NOVA1: variants seen among roughly 807,000 people sequenced by gnomAD.
The protein encoded by NOVA1 is NOVA alternative splicing regulator 1.
In NOVA1, 7 loss-of-function variants were observed where a neutral mutation model predicts 38.0. The observed-to-expected ratio is 0.18, with a 90% CI of 0.10 to 0.35. The LOEUF (loss-of-function observed/expected upper bound fraction) is 0.35. Among genes scored for constraint, NOVA1 ranks in the 10% least tolerant of loss-of-function variants. The probability of loss-of-function intolerance (pLI) is 1.00; values close to 1 mark genes in which losing one functional copy is unlikely to be tolerated. For missense variants in NOVA1, 460 were observed against 616.0 expected, an observed-to-expected ratio of 0.75 and a Z score of 2.68; for synonymous variants, 270 against 232.5, an observed-to-expected ratio of 1.16 and a Z score of -1.47.
intron 2 of NOVA1, among the ~76,000 whole-genome samples, chr14:26,565,642 C>T (rs1439833922): frequency 6.6e-6 from 1 of 152,064 alleles, no homozygotes; most frequent in Non-Finnish European, 1.5e-5. Flanking sequence ...TGTAATCTAG[C>T]CATTAGCACT....
chr14:26,564,129 C>T (rs920196465), intron 2 of NOVA1, among the ~76,000 whole-genome samples: 2 of 152,054 alleles, frequency 1.3e-5, no homozygotes, highest in Non-Finnish European at 2.9e-5. Context: ...GTATTATAAA[C>T]CTATTGAACA....
chr14:26,555,668 C>T (rs1283078155), intron 2 of NOVA1, among the ~76,000 whole-genome samples: 1 of 152,112 alleles, frequency 6.6e-6, no homozygotes, highest in African/African-American at 2.4e-5. Context: ...TTCATCCAAA[C>T]TAACACGTTA....
chr14:26,538,749 G>A lies in NOVA1; in HGVS notation c.280+56661C>T, dbSNP rs532099632. 8.6e-5 allele frequency among the ~76,000 whole-genome samples: 13 copies of A among 151,954 alleles called. 1 individual carries two copies. The South Asian group carries it at 1.9e-3, about 22-fold the overall frequency. Reference sequence around the variant, plus strand: ...TAATTTCCTCAGTGTTAATCAGTTCGTAACATTCAACTATCCAATGTCTTC... The same window carrying A: ...TAATTTCCTCAGTGTTAATCAGTTCATAACATTCAACTATCCAATGTCTTC... On this transcript the variant is annotated intron_variant, in intron 2 of 4. Coordinates refer to ENST00000539517, the MANE Select transcript of NOVA1 (RefSeq NM_002515.3).
Position 26,444,315 on chromosome 14 carries a change from T to C in NOVA1, c.*3644A>G, listed in dbSNP as rs1382963833. Reference sequence around the variant, plus strand: ...ACGGGGATAAAATTTATCAGATTCTTGATAGCACCATTTACACATTCTTAA... The same window carrying C: ...ACGGGGATAAAATTTATCAGATTCTCGATAGCACCATTTACACATTCTTAA... On this transcript the variant is annotated 3_prime_UTR_variant, in exon 5 of 5. Transcript: ENST00000539517. 1 of 152,152 alleles carries C rather than the reference T, an allele frequency of 6.6e-6. No individual in the cohort carries two copies. The highest frequency in any genetic ancestry group is 1.5e-5 in the Non-Finnish European group (1 of 68,016). 9.4% of individuals were successfully genotyped at this position (152,152 alleles called of 1,614,324 possible). A position where few individuals can be genotyped will look rare whatever the true frequency, so the allele number is the denominator to read the frequency against.
chr14:26,559,326 G>A (rs1292167227), intron 2 of NOVA1, among the ~76,000 whole-genome samples: 3 of 152,006 alleles, frequency 2.0e-5, no homozygotes, highest in African/African-American at 4.8e-5. Context: ...TATTCTTACC[G>A]TCATCATTTA....
chr14:26,571,927 A>C (rs113871368), intron 2 of NOVA1, among the ~76,000 whole-genome samples: 25 of 152,350 alleles, frequency 1.6e-4, no homozygotes, highest in African/African-American at 6.0e-4. Context: ...AACCCTACTT[A>C]AATATAAATA....
At chr14:26,486,839 G>T (rs971243413) in intron 2 of NOVA1, among the ~76,000 whole-genome samples, 1 of 151,162 alleles carries the variant, frequency 6.6e-6, no homozygotes, top group Non-Finnish European at 1.5e-5. Flanking sequence ...CAAGTTTGGG[G>T]TCAGTGTAAA....
rs141710994 is a variant in NOVA1, at chr14:26,535,792, C to T, written c.281-55649G>A. Among the ~76,000 whole-genome samples the T allele has an allele frequency of 1.8e-3, 279 of 151,520 alleles. 1 individual carries two copies. Among genetic ancestry groups the T allele is most frequent in the African/African-American group, 6.3e-3 (261 of 41,300 alleles). On this transcript the variant is annotated intron_variant, in intron 2 of 4. Coordinates refer to ENST00000539517, the MANE Select transcript of NOVA1 (RefSeq NM_002515.3). ...TTAACGCGGTGAAAACCCGTCTCTA[C>T]TAAAAATACAAAAAACAAAAACAAC...
At chr14:26,506,704 C>T (rs1741777365) in intron 2 of NOVA1, among the ~76,000 whole-genome samples, 1 of 152,072 alleles carries the variant, frequency 6.6e-6, no homozygotes, top group Admixed American at 6.5e-5. Flanking sequence ...ATCAGCCTCC[C>T]AAGTAGCTGG....
chr14:26,495,725 C>T (rs1566477525), intron 2 of NOVA1, among the ~76,000 whole-genome samples: 1 of 149,202 alleles, frequency 6.7e-6, no homozygotes, highest in African/African-American at 2.5e-5. Flanking sequence ...CAACTCCCAC[C>T]TATGAGTGAG....
intron 2 of NOVA1, among the ~76,000 whole-genome samples, chr14:26,525,585 T>C (rs1332275889): frequency 6.6e-6 from 1 of 152,302 alleles, no homozygotes; most frequent in Admixed American, 6.5e-5. Flanking sequence ...CACCCATTTA[T>C]AATAGGTCCA....
chr14:26,490,562 C>T (rs564370142), intron 2 of NOVA1, among the ~76,000 whole-genome samples: 1 of 152,240 alleles, frequency 6.6e-6, no homozygotes, highest in Non-Finnish European at 1.5e-5. Flanking sequence ...CTTGGAGTTT[C>T]GATTTGCACT....
At chr14:26,579,628 A>C (rs1332568697) in intron 2 of NOVA1, among the ~76,000 whole-genome samples, 1 of 152,180 alleles carries the variant, frequency 6.6e-6, no homozygotes, top group African/African-American at 2.4e-5. Context: ...AATTAAGTTT[A>C]TACAATAATT....
chr14:26,474,682 ACAT>A (rs1410569203), intron 3 of NOVA1, among the ~76,000 whole-genome samples: 1 of 151,982 alleles, frequency 6.6e-6, no homozygotes, highest in Non-Finnish European at 1.5e-5. Context: ...TGGTTGGTAA[ACAT>A]CATAATCTGT....
chr14:26,508,868 T>G (rs1207030586), intron 2 of NOVA1, among the ~76,000 whole-genome samples: 2 of 151,454 alleles, frequency 1.3e-5, no homozygotes, highest in African/African-American at 4.8e-5. Flanking sequence ...AAGAAAAAAT[T>G]TAATAGAAGT....
chr14:26,488,105 G>A (rs1030369564), intron 2 of NOVA1, among the ~76,000 whole-genome samples: 10 of 152,004 alleles, frequency 6.6e-5, no homozygotes, highest in Admixed American at 3.9e-4. Flanking sequence ...AGTAATAATT[G>A]GGTTTCTTCT....
chr14:26,496,387 A>G (rs1226278383), intron 2 of NOVA1, among the ~76,000 whole-genome samples: 1 of 151,940 alleles, frequency 6.6e-6, no homozygotes. Context: ...TAGATTCTGG[A>G]TATTAGCCCT....
chr14:26,524,108 G>C (rs1889126872), intron 2 of NOVA1, among the ~76,000 whole-genome samples: 1 of 152,088 alleles, frequency 6.6e-6, no homozygotes, highest in South Asian at 2.1e-4. Flanking sequence ...TCAGGCAGTG[G>C]TAAGATTTGG....
intron 2 of NOVA1, among the ~76,000 whole-genome samples, chr14:26,581,585 G>T (rs1172232407): frequency 1.3e-5 from 2 of 151,860 alleles, no homozygotes; most frequent in African/African-American, 4.8e-5. Flanking sequence ...CTGGTCAGCT[G>T]AAAAAATAAC....
Sources: gnomAD v4.1 joint callset for allele counts (sites outside exome capture counted in the v4.1 genomes callset) on GRCh38, gnomAD v4.1.1 for gene constraint, MANE v1.5 for transcripts, NCBI Gene and HGNC (gene_info 2026-07-23, HGNC 2026-07-21) for gene names.